Variants in RBPJ observed in about 807,000 individuals in gnomAD.
The protein encoded by RBPJ is recombining binding protein suppressor of hairless.
RBPJ carries 9 observed loss-of-function variants against 67.8 expected under a neutral mutation model. The ratio of observed to expected loss-of-function variants is 0.13; its 90% CI spans 0.08 to 0.23. RBPJ has a LOEUF of 0.23. Ranked by LOEUF, RBPJ falls within the 10% of genes least tolerant of loss-of-function variation. The pLI is 1.00. For missense variants in RBPJ, 305 were observed against 595.6 expected, an observed-to-expected ratio of 0.51 and a Z score of 5.08; for synonymous variants, 198 against 203.3, an observed-to-expected ratio of 0.97 and a Z score of 0.22.
intron 1 of RBPJ, among the ~76,000 whole-genome samples, chr4:26,354,918 A>T (rs537216442): frequency 6.6e-6 from 1 of 152,196 alleles, no homozygotes; most frequent in South Asian, 2.1e-4. Context: ...ATACTTTTCT[A>T]CTTTGCCTGT....
chr4:26,168,211 A>C (rs1021206655), intron 1 of RBPJ, among the ~76,000 whole-genome samples: 2 of 152,090 alleles, frequency 1.3e-5, no homozygotes, highest in Non-Finnish European at 2.9e-5. Context: ...CAGCTGGTAC[A>C]AGTTGTGCCT....
chr4:26,356,315 C>T (rs1727371573), intron 1 of RBPJ, among the ~76,000 whole-genome samples: 1 of 152,228 alleles, frequency 6.6e-6, no homozygotes, highest in African/African-American at 2.4e-5. Context: ...TGTGTAGCTA[C>T]TGCCATTCAG....
chr4:26,251,978 C>A (rs1404443258), intron 1 of RBPJ, among the ~76,000 whole-genome samples: 1 of 151,610 alleles, frequency 6.6e-6, no homozygotes, highest in Non-Finnish European at 1.5e-5. Flanking sequence ...GATGTGAACA[C>A]CAAAATTTTA....
the RBPJ span, among the ~76,000 whole-genome samples, chr4:26,131,295 A>C: frequency 6.6e-6 from 1 of 152,204 alleles, no homozygotes; most frequent in African/African-American, 2.4e-5. Flanking sequence ...ATCCCTATGC[A>C]GTCACATCCC....
intron 1 of RBPJ, among the ~76,000 whole-genome samples, chr4:26,282,583 C>T (rs1479898290): frequency 1.3e-5 from 2 of 151,548 alleles, no homozygotes; most frequent in Non-Finnish European, 2.9e-5. Context: ...TGCAATGGCG[C>T]GATCTCTGCT....
chr4:26,209,596 T>A (rs1269792888), intron 1 of RBPJ, among the ~76,000 whole-genome samples: 1 of 124,062 alleles, frequency 8.1e-6, no homozygotes, highest in Non-Finnish European at 1.7e-5. Context: ...CCTCCCTTCC[T>A]CCTTCCCTCT....
intron 1 of RBPJ, among the ~76,000 whole-genome samples, chr4:26,241,036 T>A (rs1719618114): frequency 6.6e-6 from 1 of 151,688 alleles, no homozygotes. Flanking sequence ...AAACCCCCGT[T>A]TCTACAAAAA....
chr4:26,132,454 C>CCCAGAGCTGCTCATGGCACCTGCTCCTT, the RBPJ span, among the ~76,000 whole-genome samples: 2 of 109,048 alleles, frequency 1.8e-5, no homozygotes, highest in African/African-American at 6.1e-5. Context: ...ACCTGCTCCT[C>CCCAGAGCTGCTCATGGCACCTGCTCCTT]CCAGAGCTGC....
upstream of RBPJ, among the ~76,000 whole-genome samples, chr4:26,316,911 C>A (rs1463956836): frequency 7.6e-6 from 1 of 132,208 alleles, no homozygotes; most frequent in Non-Finnish European, 1.5e-5. Context: ...CCTAGGCAGG[C>A]TAGTACTCAC....
chr4:26,291,573 T>C (rs1015034121), intron 1 of RBPJ, among the ~76,000 whole-genome samples: 1 of 150,094 alleles, frequency 6.7e-6, no homozygotes, highest in African/African-American at 2.5e-5. Context: ...CAAGCAGGTA[T>C]GAATGACTTT....
the RBPJ span, among the ~76,000 whole-genome samples, chr4:26,114,040 ATGT>A: frequency 6.6e-6 from 1 of 152,236 alleles, no homozygotes; most frequent in Non-Finnish European, 1.5e-5. Context: ...TCTAAAATTT[ATGT>A]TGTTTAGTGT....
At chr4:26,422,122 TG>T (rs1183901679) in intron 5 of RBPJ, among the ~76,000 whole-genome samples, 1 of 152,194 alleles carries the variant, frequency 6.6e-6, no homozygotes, top group African/African-American at 2.4e-5. Context: ...TTCCATGAAC[TG>T]GTGGTTAGAC....
At chr4:26,240,275 G>T (rs1719593334) in intron 1 of RBPJ, among the ~76,000 whole-genome samples, 2 of 152,160 alleles carry the variant, frequency 1.3e-5, no homozygotes. Context: ...CTCTACTTCT[G>T]TTAGTTACTC....
At chr4:26,120,828 A>G in the RBPJ span, among the ~76,000 whole-genome samples, 1 of 146,538 alleles carries the variant, frequency 6.8e-6, no homozygotes, top group East Asian at 2.0e-4. Context: ...ACTGTAGTTT[A>G]GAAGCAAAAG....
At chr4:26,306,715 C>T (rs1722251507) in intron 1 of RBPJ, among the ~76,000 whole-genome samples, 1 of 151,920 alleles carries the variant, frequency 6.6e-6, no homozygotes, top group Non-Finnish European at 1.5e-5. Flanking sequence ...TCCCAAAGTG[C>T]TGGGATTACA....
intron 1 of RBPJ, among the ~76,000 whole-genome samples, chr4:26,323,215 T>G (rs553796396): frequency 6.6e-6 from 1 of 152,116 alleles, no homozygotes. Flanking sequence ...AATAATCTTA[T>G]GTCTCCCTTA....
At chr4:26,220,518 A>G (rs1472981283) in intron 1 of RBPJ, among the ~76,000 whole-genome samples, 1 of 152,194 alleles carries the variant, frequency 6.6e-6, no homozygotes, top group Admixed American at 6.5e-5. Flanking sequence ...ATGCCCGGAC[A>G]GAGTTTATAT....
At chr4:26,210,764 T>C (rs181461848) in intron 1 of RBPJ, among the ~76,000 whole-genome samples, 259 of 59,390 alleles carry the variant, frequency 4.4e-3, no homozygotes, top group East Asian at 0.018. Context: ...TCTTTCTTTC[T>C]TTCTTTCTTT....
At chr4:26,329,746 T>C (rs1201843877) in intron 1 of RBPJ, among the ~76,000 whole-genome samples, 5 of 151,876 alleles carry the variant, frequency 3.3e-5, no homozygotes, top group African/African-American at 1.2e-4. Flanking sequence ...TACAAAAAAT[T>C]AGCTGGGCGT....
Sources: allele counts gnomAD v4.1 joint callset (sites outside exome capture counted in the v4.1 genomes callset), GRCh38; gene constraint gnomAD v4.1.1; transcripts MANE v1.5; gene names NCBI Gene and HGNC (gene_info 2026-07-23, HGNC 2026-07-21).